The following TSPAN5 variants were observed in gnomAD, a reference collection of about 807,000 sequenced individuals.
The protein encoded by TSPAN5 is tetraspanin-5.
A neutral mutation model predicts 37.1 loss-of-function variants in TSPAN5; 10 were observed. That is an observed-to-expected ratio of 0.27 (90% CI 0.17 to 0.46). The LOEUF (loss-of-function observed/expected upper bound fraction) is 0.46, where lower values mean the gene tolerates loss of function less well. Among genes scored for constraint, TSPAN5 ranks in the 20% least tolerant of loss-of-function variants. The pLI is 1.00. For missense variants in TSPAN5, 195 were observed against 326.6 expected, an observed-to-expected ratio of 0.60 and a Z score of 3.11; for synonymous variants, 110 against 118.9, an observed-to-expected ratio of 0.93 and a Z score of 0.48.
chr4:98,539,142 C>CA (rs36115789), intron 1 of TSPAN5, among the ~76,000 whole-genome samples: 159 of 136,886 alleles, frequency 1.2e-3, no homozygotes, highest in South Asian at 1.8e-3. Context: ...TCACCCCCAC[C>CA]AAAAAAAAAA....
At chr4:98,521,578 C>T (rs567461732) in intron 1 of TSPAN5, among the ~76,000 whole-genome samples, 3 of 152,302 alleles carry the variant, frequency 2.0e-5, no homozygotes, top group African/African-American at 7.2e-5. Context: ...GGCAGGATAA[C>T]TTGTTTGCTG....
intron 1 of TSPAN5, among the ~76,000 whole-genome samples, chr4:98,585,168 T>A (rs1026094917): frequency 6.6e-6 from 1 of 152,212 alleles, no homozygotes; most frequent in Non-Finnish European, 1.5e-5. Flanking sequence ...CAAGTGCATA[T>A]TTTCTGGTGT....
chr4:98,530,874 T>C (rs1037581471), intron 1 of TSPAN5, among the ~76,000 whole-genome samples: 3 of 152,156 alleles, frequency 2.0e-5, no homozygotes, highest in Admixed American at 2.0e-4. Flanking sequence ...CCTGAGTAGC[T>C]GGGACTAGGG....
chr4:98,611,219 G>T (rs1009510253), intron 1 of TSPAN5, among the ~76,000 whole-genome samples: 2 of 152,130 alleles, frequency 1.3e-5, no homozygotes, highest in Non-Finnish European at 2.9e-5. Flanking sequence ...TATTCCAGAA[G>T]GAATATGAGA....
intron 2 of TSPAN5, among the ~76,000 whole-genome samples, chr4:98,501,698 TA>T (rs1753354053): frequency 6.6e-6 from 1 of 152,064 alleles, no homozygotes; most frequent in Non-Finnish European, 1.5e-5. Flanking sequence ...AGCAAGTTGA[TA>T]AGTAGGACCA....
chr4:98,498,338 T>G (rs1028250320), intron 2 of TSPAN5, among the ~76,000 whole-genome samples: 1 of 152,148 alleles, frequency 6.6e-6, no homozygotes, highest in African/African-American at 2.4e-5. Context: ...TTGCTGGAAG[T>G]TGGGGTAGCA....
intron 1 of TSPAN5, among the ~76,000 whole-genome samples, chr4:98,642,431 T>A (rs181800098): frequency 6.6e-6 from 1 of 152,308 alleles, no homozygotes; most frequent in East Asian, 1.9e-4. Context: ...ACCACAAAAT[T>A]TTTTTTCTGC....
intron 1 of TSPAN5, among the ~76,000 whole-genome samples, chr4:98,608,336 A>G (rs1001580648): frequency 5.3e-5 from 8 of 152,092 alleles, no homozygotes; most frequent in African/African-American, 1.9e-4. Context: ...CCCTCACACA[A>G]TGTTTGACAT....
At chr4:98,537,094 C>G (rs991539399) in intron 1 of TSPAN5, among the ~76,000 whole-genome samples, 1 of 152,202 alleles carries the variant, frequency 6.6e-6, no homozygotes, top group Non-Finnish European at 1.5e-5. Flanking sequence ...AATGGCCACC[C>G]AGATTTGTGC....
chr4:98,480,959 A>C (rs1237997889), intron 4 of TSPAN5, among the ~76,000 whole-genome samples: 2 of 152,116 alleles, frequency 1.3e-5, no homozygotes, highest in Non-Finnish European at 2.9e-5. Context: ...AAGAGTGTCA[A>C]CATGGCTGCT....
At chr4:98,510,548 G>A (rs1753581447) in intron 1 of TSPAN5, among the ~76,000 whole-genome samples, 1 of 152,092 alleles carries the variant, frequency 6.6e-6, no homozygotes, top group African/African-American at 2.4e-5. Flanking sequence ...TAAAGTTTTC[G>A]TCTCTCCTCT....
intron 1 of TSPAN5, among the ~76,000 whole-genome samples, chr4:98,624,441 G>T (rs983861834): frequency 4.7e-4 from 72 of 152,156 alleles, no homozygotes; most frequent in African/African-American, 1.7e-3. Flanking sequence ...AAAAAAATAC[G>T]TATTAACATA....
chr4:98,590,707 CAAAAAAAA>C (rs201373765), intron 1 of TSPAN5, among the ~76,000 whole-genome samples: 1,662 of 91,516 alleles, frequency 0.018, 67 homozygotes, highest in East Asian at 0.1. Flanking sequence ...GAGACTGTCT[CAAAAAAAA>C]AAAAAAAAGA....
chr4:98,656,729 C>T (rs1391215562), intron 1 of TSPAN5, among the ~76,000 whole-genome samples: 1 of 152,114 alleles, frequency 6.6e-6, no homozygotes, highest in African/African-American at 2.4e-5. Flanking sequence ...GACATGCTGA[C>T]ACGGAAAGTG....
At chr4:98,513,624 G>A (rs1236708118) in intron 1 of TSPAN5, among the ~76,000 whole-genome samples, 1 of 151,998 alleles carries the variant, frequency 6.6e-6, no homozygotes, top group Non-Finnish European at 1.5e-5. Flanking sequence ...AGAGACTATG[G>A]CTCTTCAAAA....
At chr4:98,579,807 T>C (rs1446008254) in intron 1 of TSPAN5, among the ~76,000 whole-genome samples, 1 of 152,180 alleles carries the variant, frequency 6.6e-6, no homozygotes, top group Non-Finnish European at 1.5e-5. Context: ...CAGATCTTCA[T>C]AAACAATGTG....
intron 1 of TSPAN5, among the ~76,000 whole-genome samples, chr4:98,555,995 GCA>G (rs1246428801): frequency 1.2e-4 from 15 of 126,384 alleles, no homozygotes; most frequent in East Asian, 2.4e-4. Context: ...ACGTGCGTGC[GCA>G]CACACACACG....
At chr4:98,525,332 C>A (rs1404533825) in intron 1 of TSPAN5, among the ~76,000 whole-genome samples, 1 of 152,196 alleles carries the variant, frequency 6.6e-6, no homozygotes, top group Non-Finnish European at 1.5e-5. Context: ...TGCCCCACGT[C>A]TGCATGGGTT....
At chr4:98,649,988 C>T (rs1485955517) in intron 1 of TSPAN5, among the ~76,000 whole-genome samples, 1 of 152,160 alleles carries the variant, frequency 6.6e-6, no homozygotes, top group Non-Finnish European at 1.5e-5. Flanking sequence ...AAAAGTTACT[C>T]CACATCTCTG....
Sources: allele counts gnomAD v4.1 joint callset (sites outside exome capture counted in the v4.1 genomes callset), GRCh38; gene constraint gnomAD v4.1.1; transcripts MANE v1.5; gene names NCBI Gene and HGNC (gene_info 2026-07-23, HGNC 2026-07-21).